Variants in KCNC2 observed in about 807,000 individuals in gnomAD.
KCNC2 encodes the protein potassium voltage-gated channel subfamily C member 2.
KCNC2 carries 21 observed loss-of-function variants against 44.5 expected under a neutral mutation model. That is an observed-to-expected ratio of 0.47 (90% CI 0.33 to 0.68). KCNC2 has a LOEUF of 0.68. Ranked by LOEUF, KCNC2 falls within the 30% of genes least tolerant of loss-of-function variation. The pLI, the probability that KCNC2 is intolerant of heterozygous loss-of-function variation, is 0.01. For missense variants in KCNC2, 589 were observed against 826.2 expected (o/e 0.71, Z 3.52); for synonymous variants, 391 against 339.1 (o/e 1.15, Z -1.68).
chr12:75,050,500 T>A lies in KCNC2; in HGVS notation c.1505A>T (p.Gln502Leu). The A allele has an allele frequency of 6.2e-7, 1 of 1,613,672 alleles. No homozygotes were observed. The highest frequency in any genetic ancestry group is 1.1e-5 in the South Asian group (1 of 91,082). Residue 502 changes from glutamine (Q) to leucine (L), a missense_variant, in exon 3 of 5, where the codon CAG becomes CTG. Coordinates refer to ENST00000549446, the MANE Select transcript of KCNC2 (RefSeq NM_139137.4). ...CTTGCAAAAAGTAGGTGAGCTTGCC[T>A]GAGGAGCAGGAGGGATGTGCTTCTT... ...KRKKHIPPAP[Q>L]ASSPTFCKTE...
intron 2 of KCNC2, among the ~76,000 whole-genome samples, chr12:75,070,841 A>T (rs1328310803): frequency 6.6e-6 from 1 of 152,110 alleles, no homozygotes; most frequent in Non-Finnish European, 1.5e-5. Context: ...ATTTTTTAGA[A>T]TAAGATGTTA....
At chr12:75,049,911 G>GT (rs1266126555) in intron 3 of KCNC2, among the ~76,000 whole-genome samples, 1 of 152,066 alleles carries the variant, frequency 6.6e-6, no homozygotes, top group Non-Finnish European at 1.5e-5. Flanking sequence ...CCTTTGAAAT[G>GT]TAAGCATCCA....
chr12:75,051,623 T>TA (rs1469062648), intron 2 of KCNC2, among the ~76,000 whole-genome samples: 2 of 152,106 alleles, frequency 1.3e-5, no homozygotes. Context: ...AAAATCACTG[T>TA]AAAGGAATTG....
At chr12:75,178,622 C>T (rs1456560774) in intron 2 of KCNC2, among the ~76,000 whole-genome samples, 1 of 151,994 alleles carries the variant, frequency 6.6e-6, no homozygotes, top group South Asian at 2.1e-4. Flanking sequence ...TATTCAGATC[C>T]TTGTAACCCT....
intron 2 of KCNC2, among the ~76,000 whole-genome samples, chr12:75,139,890 T>C (rs997479885): frequency 6.6e-6 from 1 of 152,182 alleles, no homozygotes; most frequent in Non-Finnish European, 1.5e-5. Context: ...ATTCCACATA[T>C]GTAAAACTGA....
At chr12:75,155,308 C>T (rs1176747915) in intron 2 of KCNC2, among the ~76,000 whole-genome samples, 2 of 151,770 alleles carry the variant, frequency 1.3e-5, no homozygotes, top group African/African-American at 4.8e-5. Context: ...CTATTTAAAA[C>T]CTAACTCCGA....
At chr12:75,116,823 A>G (rs988983361) in intron 2 of KCNC2, among the ~76,000 whole-genome samples, 4 of 152,096 alleles carry the variant, frequency 2.6e-5, no homozygotes, top group Admixed American at 6.6e-5. Context: ...ACACACACAT[A>G]TCTGCAACTC....
intron 2 of KCNC2, among the ~76,000 whole-genome samples, chr12:75,079,224 A>C (rs949394304): frequency 1.3e-5 from 2 of 152,024 alleles, no homozygotes; most frequent in African/African-American, 4.8e-5. Flanking sequence ...CATTGAGGAG[A>C]ATTGTTAAGC....
At chr12:75,102,277 G>T (rs1017340402) in intron 2 of KCNC2, among the ~76,000 whole-genome samples, 1 of 151,874 alleles carries the variant, frequency 6.6e-6, no homozygotes, top group Non-Finnish European at 1.5e-5. Context: ...TGCACACTAC[G>T]TAAGGACAAA....
At chr12:75,198,327 A>G (rs2030951651) in intron 2 of KCNC2, among the ~76,000 whole-genome samples, 1 of 152,000 alleles carries the variant, frequency 6.6e-6, no homozygotes, top group Non-Finnish European at 1.5e-5. Flanking sequence ...AGGTTCACTC[A>G]GGCCTAATTA....
At chr12:75,185,242 A>T (rs1471093040) in intron 2 of KCNC2, among the ~76,000 whole-genome samples, 1 of 152,186 alleles carries the variant, frequency 6.6e-6, no homozygotes, top group South Asian at 2.1e-4. Flanking sequence ...AACGCAGGCT[A>T]CTAAGGTTAT....
chr12:75,051,832 G>GA (rs1037412738), intron 2 of KCNC2, among the ~76,000 whole-genome samples: 14 of 151,638 alleles, frequency 9.2e-5, no homozygotes, highest in African/African-American at 2.7e-4. Flanking sequence ...GTAACAGCAT[G>GA]AAAAAAAATC....
At chr12:75,045,667 TTG>T (rs1461617311) in intron 4 of KCNC2, among the ~76,000 whole-genome samples, 5 of 151,956 alleles carry the variant, frequency 3.3e-5, no homozygotes, top group African/African-American at 4.8e-5. Context: ...ATGAGCTTAT[TTG>T]TGGCAATACT....
intron 2 of KCNC2, among the ~76,000 whole-genome samples, chr12:75,116,044 G>C (rs1465185224): frequency 6.6e-6 from 1 of 152,134 alleles, no homozygotes; most frequent in Non-Finnish European, 1.5e-5. Flanking sequence ...AAGGAACCTT[G>C]TGCTTTATAT....
intron 2 of KCNC2, among the ~76,000 whole-genome samples, chr12:75,159,175 G>A (rs535346196): frequency 6.6e-6 from 1 of 151,580 alleles, no homozygotes; most frequent in Non-Finnish European, 1.5e-5. Flanking sequence ...TGTAGATGAC[G>A]GGCTGATGGG....
At chr12:75,110,401 A>G (rs1887137061) in intron 2 of KCNC2, among the ~76,000 whole-genome samples, 1 of 152,134 alleles carries the variant, frequency 6.6e-6, no homozygotes, top group Non-Finnish European at 1.5e-5. Flanking sequence ...GAGAGAGAGG[A>G]CTGTAGTCAA....
intron 2 of KCNC2, among the ~76,000 whole-genome samples, chr12:75,132,276 A>G (rs1888910006): frequency 6.6e-6 from 1 of 152,150 alleles, no homozygotes; most frequent in Non-Finnish European, 1.5e-5. Flanking sequence ...AATCAAATGT[A>G]TTTGTGGAAA....
At chr12:75,080,098 C>T (rs1565836350) in intron 2 of KCNC2, among the ~76,000 whole-genome samples, 2 of 152,056 alleles carry the variant, frequency 1.3e-5, no homozygotes, top group Non-Finnish European at 2.9e-5. Flanking sequence ...TTTTTAACTT[C>T]AAAATATATT....
intron 2 of KCNC2, among the ~76,000 whole-genome samples, chr12:75,112,276 A>G (rs1025149714): frequency 1.3e-5 from 2 of 152,110 alleles, no homozygotes; most frequent in Admixed American, 1.3e-4. Flanking sequence ...TAAAGAAAAA[A>G]ATATTTCAGT....
Sources: gnomAD v4.1 joint callset for allele counts (sites outside exome capture counted in the v4.1 genomes callset) on GRCh38, gnomAD v4.1.1 for gene constraint, MANE v1.5 for transcripts, NCBI Gene and HGNC (gene_info 2026-07-23, HGNC 2026-07-21) for gene names.